ZDHHC5: variants seen among roughly 807,000 people sequenced by gnomAD.
ZDHHC5 encodes zDHHC palmitoyltransferase 5.
A neutral mutation model predicts 70.0 loss-of-function variants in ZDHHC5; 22 were observed. The ratio of observed to expected loss-of-function variants is 0.31; its 90% CI spans 0.22 to 0.45. ZDHHC5 has a LOEUF of 0.45. Ranked by LOEUF, ZDHHC5 falls within the 20% of genes least tolerant of loss-of-function variation. The pLI, the probability that ZDHHC5 is intolerant of heterozygous loss-of-function variation, is 1.00. For synonymous variants in ZDHHC5, 313 were observed against 347.8 expected (o/e 0.90, Z 1.11); for missense variants, 746 against 926.9 (o/e 0.80, Z 2.53).
Position 57,672,924 on chromosome 11 carries a change from T to C in ZDHHC5, c.-167T>C. 1 of 588,208 alleles carries C rather than the reference T, an allele frequency of 1.7e-6. No homozygotes were observed. Among genetic ancestry groups the C allele is most frequent in the Admixed American group, 3.0e-5 (1 of 32,826 alleles). 36.4% of individuals were successfully genotyped at this position (588,208 alleles called of 1,614,324 possible). A position where few individuals can be genotyped will look rare whatever the true frequency, so the allele number is the denominator to read the frequency against. ...GTGCTTTCCTTCATTTGAGATCTTTTGACCTTTGGCTTTATTTGGGAGGGG... is the reference window on the plus strand; with the variant it reads ...GTGCTTTCCTTCATTTGAGATCTTTCGACCTTTGGCTTTATTTGGGAGGGG... On this transcript the variant is annotated 5_prime_UTR_variant, in exon 2 of 12. An upstream open reading frame in the 5' UTR loses its in-frame stop. Transcript: ENST00000287169.
chr11:57,685,131 G>T (rs149545683), intron 3 of ZDHHC5, among the ~76,000 whole-genome samples: 67 of 151,820 alleles, frequency 4.4e-4, no homozygotes, highest in Middle Eastern at 3.4e-3. Context: ...CTGGGCAACA[G>T]CAAGACTCCG....
chr11:57,698,669 C>T lies in ZDHHC5; in HGVS notation c.1233C>T (p.Thr411=). 1 of 1,614,176 alleles carries T rather than the reference C, an allele frequency of 6.2e-7. No individual in the cohort carries two copies. Among genetic ancestry groups the T allele is most frequent in the Non-Finnish European group, 8.5e-7 (1 of 1,180,026 alleles). The stretch of plus-strand genomic sequence containing the variant: ...AACCAGAGAGCTTCCGTTCTCCTAC[C>T]TTTGGCAAAAGTTTTCACTTCGATC... ...SLEPESFRSP[T]FGKSFHFDPL... The change falls in exon 11 of 12, where the codon ACC becomes ACT. Residue 411 remains threonine, a synonymous_variant. Transcript: ENST00000287169.
At chr11:57,683,110 T>G (rs1946168224) in intron 3 of ZDHHC5, among the ~76,000 whole-genome samples, 1 of 152,204 alleles carries the variant, frequency 6.6e-6, no homozygotes, top group Non-Finnish European at 1.5e-5. Flanking sequence ...TGCAGAAGCT[T>G]GTAGCCATGA....
intron 4 of ZDHHC5, 90 bp downstream of exon 4, chr11:57,688,755 A>G (rs1946243823): frequency 7.1e-7 from 1 of 1,411,878 alleles, no homozygotes; most frequent in African/African-American, 1.5e-5. Context: ...TGGATGTGGT[A>G]TAGTCCTGTC....
At chr11:57,696,186 C>A in intron 9 of ZDHHC5, 143 bp downstream of exon 9, 1 of 1,336,182 alleles carries the variant, frequency 7.5e-7, no homozygotes. Flanking sequence ...ACTTGTGCTA[C>A]TTTGCAACTG....
In ZDHHC5 at chr11:57,675,562, T is replaced by G. The variant is rs947313268; in HGVS notation, c.104+2368T>G. On this transcript the variant is annotated intron_variant, in intron 2 of 11. Coordinates refer to ENST00000287169, the MANE Select transcript of ZDHHC5 (RefSeq NM_015457.3). Reference sequence around the variant, plus strand: ...GGAATTATTGCCTCTCATCCAAAGTTAGAAGAACCCTAAGTCATAGCTGGA... The same window carrying G: ...GGAATTATTGCCTCTCATCCAAAGTGAGAAGAACCCTAAGTCATAGCTGGA... Among the ~76,000 whole-genome samples, 4 of 152,232 alleles carry G rather than the reference T, an allele frequency of 2.6e-5. No individual in the cohort carries two copies. In the East Asian group the frequency reaches 7.7e-4, roughly 29 times the overall value.
At chr11:57,688,126 G>T (rs1295238349) in intron 3 of ZDHHC5, among the ~76,000 whole-genome samples, 2 of 152,116 alleles carry the variant, frequency 1.3e-5, no homozygotes, top group East Asian at 3.8e-4. Flanking sequence ...CTCTTGGATT[G>T]CTATAGTTCA....
rs775334864 is a variant in ZDHHC5, at chr11:57,698,599, C to G, written c.1163C>G (p.Ala388Gly). 1.2e-6 allele frequency: 2 copies of G among 1,612,466 alleles called. No individual in the cohort carries two copies. Among genetic ancestry groups the G allele is most frequent in the African/African-American group, 1.3e-5 (1 of 74,902 alleles). The change falls in exon 11 of 12, where the codon GCA becomes GGA. Residue 388 changes from alanine (A) to glycine (G), a missense_variant. By Grantham distance (60) the Ala-to-Gly change is moderately conservative. Transcript: ENST00000287169. ...GDSLKEPTSI[A>G]ESSRHPSYRS... ...AGCTTGAAGGAGCCAACCTCAATTG[C>G]AGAGAGCAGCCGTCACCCCAGCTAC...
intron 2 of ZDHHC5, among the ~76,000 whole-genome samples, chr11:57,676,419 A>G (rs539800671): frequency 1.3e-5 from 2 of 152,286 alleles, no homozygotes; most frequent in Admixed American, 1.3e-4. Context: ...GACTTCATTT[A>G]GGATAACTAC....
chr11:57,673,189 C>A lies in ZDHHC5; in HGVS notation c.99C>A (p.Ala33=). The change falls in exon 2 of 12, where the codon GCC becomes GCA. Residue 33 remains alanine (A), a synonymous_variant. Coordinates refer to ENST00000287169, the MANE Select transcript of ZDHHC5 (RefSeq NM_015457.3). ...FLVGATTLFF[A]FTCPGLSLYV... Reference sequence around the variant, plus strand: ...TGGGAGCTACGACACTCTTCTTTGCCTTTACGTGAGTTTTCTCCCAGCAGG... The same window carrying A: ...TGGGAGCTACGACACTCTTCTTTGCATTTACGTGAGTTTTCTCCCAGCAGG... The A allele has an allele frequency of 1.2e-6, 2 of 1,613,742 alleles. No homozygotes were observed. Among genetic ancestry groups the A allele is most frequent in the Non-Finnish European group, 1.7e-6 (2 of 1,179,742 alleles).
intron 1 of ZDHHC5, among the ~76,000 whole-genome samples, chr11:57,669,600 G>T (rs1945976160): frequency 6.6e-6 from 1 of 152,134 alleles, no homozygotes; most frequent in Admixed American, 6.5e-5. Flanking sequence ...GGGATTTCAG[G>T]CATGCCCCAT....
Position 57,671,996 on chromosome 11 carries a change from G to A in ZDHHC5, c.-1070-25G>A, listed in dbSNP as rs567902231. On this transcript the variant is annotated intron_variant, in intron 1 of 11. Coordinates refer to ENST00000287169, the MANE Select transcript of ZDHHC5 (RefSeq NM_015457.3). Reference sequence around the variant, plus strand: ...AAGAAATACCCTGAAAGAATTCTCTGATAAAGATACTTGTTTTTCTCCAGG... The same window carrying A: ...AAGAAATACCCTGAAAGAATTCTCTAATAAAGATACTTGTTTTTCTCCAGG... 8.2e-5 allele frequency: 30 copies of A among 368,076 alleles called. 1 individual carries two copies. The South Asian group carries it at 1.9e-3, about 24-fold the overall frequency. 22.8% of individuals were successfully genotyped at this position (368,076 alleles called of 1,614,324 possible).
In ZDHHC5 at chr11:57,699,825, G is replaced by A. The variant is rs764748310; in HGVS notation, c.1983-41G>A. The stretch of plus-strand genomic sequence containing the variant: ...ACTGTCTCCCTTTCCAATGTTTTCT[G>A]TCCCATTTCCTGACACCTACGTCTT... On this transcript the variant is annotated intron_variant, in intron 11 of 11. Coordinates refer to ENST00000287169, the MANE Select transcript of ZDHHC5 (RefSeq NM_015457.3). 4 of 1,612,722 alleles carry A rather than the reference G, an allele frequency of 2.5e-6. No individual in the cohort carries two copies. The South Asian group carries it at 3.3e-5, about 13-fold the overall frequency.
chr11:57,698,506 C>T, intron 10 of ZDHHC5, 53 bp from the exon 11 acceptor site: 1 of 1,535,176 alleles, frequency 6.5e-7, no homozygotes, highest in Non-Finnish European at 8.7e-7. Context: ...GCTCTGGGGT[C>T]TAGCTTCTGT....
rs1350577705 is a variant in ZDHHC5, at chr11:57,698,672, T to C, written c.1236T>C (p.Phe412=). 1 of 1,614,156 alleles carries C rather than the reference T, an allele frequency of 6.2e-7. No homozygotes were observed. The highest frequency in any genetic ancestry group is 1.1e-5 in the South Asian group (1 of 91,080). Residue 412 remains phenylalanine, a synonymous_variant, in exon 11 of 12, where the codon TTT becomes TTC. Transcript: ENST00000287169. The part of the protein sequence containing the change: ...LEPESFRSPT[F]GKSFHFDPLS... The stretch of plus-strand genomic sequence containing the variant: ...CAGAGAGCTTCCGTTCTCCTACCTT[T>C]GGCAAAAGTTTTCACTTCGATCCAC...
At chr11:57,679,386 T>C (rs995103591) in intron 2 of ZDHHC5, among the ~76,000 whole-genome samples, 1 of 152,276 alleles carries the variant, frequency 6.6e-6, no homozygotes, top group Admixed American at 6.5e-5. Flanking sequence ...GGTCTCGAAC[T>C]CCTGACCTCA....
chr11:57,674,285 CTGAG>C (rs1946043496), intron 2 of ZDHHC5, among the ~76,000 whole-genome samples: 1 of 150,984 alleles, frequency 6.6e-6, no homozygotes, highest in Admixed American at 6.6e-5. Flanking sequence ...TTGGAAGAGA[CTGAG>C]TGATTTAAAC....
At chr11:57,692,142 A>G (rs1946293559) in intron 6 of ZDHHC5, among the ~76,000 whole-genome samples, 1 of 152,000 alleles carries the variant, frequency 6.6e-6, no homozygotes, top group Admixed American at 6.6e-5. Flanking sequence ...TCAGCTACCC[A>G]AGTAGCTGGG....
Position 57,689,880 on chromosome 11 carries a change from G to C in ZDHHC5, c.385-151G>C, listed in dbSNP as rs916320780. On this transcript the variant is annotated intron_variant, in intron 4 of 11. Coordinates refer to ENST00000287169, the MANE Select transcript of ZDHHC5 (RefSeq NM_015457.3). ...GACCAACCTCTGGAAGGTCTCCCTT[G>C]CAGATTTATAGAGCAAAATAAACTG... The C allele has an allele frequency of 1.1e-5, 12 of 1,051,618 alleles. No homozygotes were observed. In the African/African-American group the frequency reaches 1.8e-4, roughly 15 times the overall value. The allele number at this position is 1,051,618 out of a possible 1,614,324, so 65.1% of individuals were successfully genotyped here. A position where few individuals can be genotyped will look rare whatever the true frequency, so the allele number is the denominator to read the frequency against.
Sources: allele counts gnomAD v4.1 joint callset (sites outside exome capture counted in the v4.1 genomes callset), GRCh38; gene constraint gnomAD v4.1.1; transcripts MANE v1.5; gene names NCBI Gene and HGNC (gene_info 2026-07-23, HGNC 2026-07-21).